Variants in PCNX2 observed in about 807,000 individuals in gnomAD.
PCNX2 encodes the protein pecanex-like protein 2.
PCNX2 carries 168 observed loss-of-function variants against 223.8 expected under a neutral mutation model. The observed-to-expected ratio is 0.75, with a 90% CI of 0.66 to 0.85. The LOEUF (loss-of-function observed/expected upper bound fraction) is 0.85, where lower values mean the gene tolerates loss of function less well. Ranked by LOEUF, PCNX2 falls within the 40% of genes least tolerant of loss-of-function variation. The pLI is 0.00. For synonymous variants in PCNX2, 1,006 were observed against 1,052.6 expected, an observed-to-expected ratio of 0.96 and a Z score of 0.86; for missense variants, 2,507 against 2,675.5, an observed-to-expected ratio of 0.94 and a Z score of 1.39.
At chr1:233,221,604 A>G (rs1221386201) in intron 10 of PCNX2, among the ~76,000 whole-genome samples, 1 of 152,168 alleles carries the variant, frequency 6.6e-6, no homozygotes, top group Non-Finnish European at 1.5e-5. Context: ...TGAAAGATTT[A>G]TCATGCAGAG....
At position 233,016,944 on chromosome 1, in the gene PCNX2, G is replaced by C; in HGVS notation, c.4816C>G (p.His1606Asp). The C allele has an allele frequency of 6.2e-7, 1 of 1,611,548 alleles. No individual in the cohort carries two copies. The highest frequency in any genetic ancestry group is 8.5e-7 in the Non-Finnish European group (1 of 1,177,764). Reference sequence around the variant, plus strand: ...ACCTCTTGTCTTTTCCGTGCACAGTGTTGAATCCATTCTAGATAAACATTG... The same window carrying C: ...ACCTCTTGTCTTTTCCGTGCACAGTCTTGAATCCATTCTAGATAAACATTG... Reference protein sequence around the residue: ...FCNVYLEWIQHCARKRQEPST... With the variant: ...FCNVYLEWIQDCARKRQEPST... The change falls in exon 27 of 34, where the codon CAC (histidine) becomes GAC (aspartate). Residue 1606 changes from histidine (H) to aspartate (D), a missense_variant. His to Asp is a moderately conservative substitution (Grantham distance 81, BLOSUM62 -1). This residue lies in a region of PCNX2 where 1,372 missense variants were observed against 1,509.4 expected (regional missense o/e 0.91). Transcript: ENST00000258229.
At chr1:233,131,542 T>C (rs550426969) in intron 21 of PCNX2, among the ~76,000 whole-genome samples, 2 of 152,292 alleles carry the variant, frequency 1.3e-5, no homozygotes, top group South Asian at 4.1e-4. Flanking sequence ...ACAAACACTC[T>C]CTTTCTTTCA....
intron 21 of PCNX2, among the ~76,000 whole-genome samples, chr1:233,117,838 G>A (rs1241239294): frequency 2.7e-5 from 4 of 150,936 alleles, no homozygotes; most frequent in East Asian, 2.0e-4. Flanking sequence ...GTGAAACCCC[G>A]TCTCTACTAA....
At chr1:233,321,580 G>T in the PCNX2 span, among the ~76,000 whole-genome samples, 25 of 152,328 alleles carry the variant, frequency 1.6e-4, no homozygotes, top group Non-Finnish European at 5.9e-5. Context: ...TTATAGGCAT[G>T]AGCCACCACG....
intron 23 of PCNX2, among the ~76,000 whole-genome samples, chr1:233,080,397 C>T (rs1376844289): frequency 7.3e-6 from 1 of 137,318 alleles, no homozygotes; most frequent in African/African-American, 3.4e-5. Context: ...CACACACACA[C>T]ACAAACACAC....
chr1:233,000,556 T>C lies in PCNX2; in HGVS notation c.5098-21A>G. The C allele has an allele frequency of 6.4e-7, 1 of 1,556,580 alleles. No individual in the cohort carries two copies. The highest frequency in any genetic ancestry group is 8.7e-7 in the Non-Finnish European group (1 of 1,155,924). Reference sequence around the variant, plus strand: ...TGGTCCTGGTGGGAAGAAGTGTGGGTGTGGGCTGGGCAAGGACCAGAGGAA... The same window carrying C: ...TGGTCCTGGTGGGAAGAAGTGTGGGCGTGGGCTGGGCAAGGACCAGAGGAA... On this transcript the variant is annotated intron_variant, in intron 29 of 33. Transcript: ENST00000258229. The surrounding 1 kb of genome is among the most constrained non-coding windows in gnomAD (Gnocchi z 4.6).
At chr1:233,216,936 T>C (rs981840945) in intron 12 of PCNX2, among the ~76,000 whole-genome samples, 3 of 152,174 alleles carry the variant, frequency 2.0e-5, no homozygotes, top group Non-Finnish European at 4.4e-5. Context: ...GAGGACATTA[T>C]TAGGTTAAGT....
intron 20 of PCNX2, among the ~76,000 whole-genome samples, chr1:233,136,120 G>A (rs773230127): frequency 2.0e-5 from 3 of 152,198 alleles, no homozygotes; most frequent in Non-Finnish European, 4.4e-5. Context: ...CCTTCTTGAA[G>A]GGCCTGGCTT....
chr1:233,252,608 C>T, intron 6 of PCNX2, 33 bp downstream of exon 6: 2 of 1,601,466 alleles, frequency 1.2e-6, no homozygotes, highest in South Asian at 2.3e-5. Context: ...GCTTTATGAC[C>T]AAGTGAAACT....
At chr1:233,210,528 C>T (rs1681759594) in intron 12 of PCNX2, 1 of 942,352 alleles carries the variant, frequency 1.1e-6, no homozygotes, top group African/African-American at 1.8e-5. Context: ...ATCCACCCGA[C>T]TTGGCCTCCC....
chr1:233,269,050 C>A (rs1409469537), intron 1 of PCNX2, among the ~76,000 whole-genome samples: 1 of 152,244 alleles, frequency 6.6e-6, no homozygotes, highest in African/African-American at 2.4e-5. Context: ...AGGAAGTCCA[C>A]TTGCCTGCAG....
At chr1:233,219,472 G>A (rs552283540) in intron 10 of PCNX2, among the ~76,000 whole-genome samples, 1 of 152,202 alleles carries the variant, frequency 6.6e-6, no homozygotes, top group Admixed American at 6.5e-5. Flanking sequence ...GGGCCTGGGT[G>A]TTTGGGTGGG....
At position 232,990,547 on chromosome 1, in the gene PCNX2, C is replaced by T. The variant is rs920824282; in HGVS notation, c.5792-4007G>A. ...AACTCTGAGACCCAAGGGCTTTGCA[C>T]CCTCGCCCTCTAGGGAAGCTGTAGT... is the stretch of plus-strand genomic sequence containing the variant. On this transcript the variant is annotated intron_variant, in intron 32 of 33. Transcript: ENST00000258229. The surrounding 1 kb of genome is among the most constrained non-coding windows in gnomAD (Gnocchi z 4.3). Among the ~76,000 whole-genome samples, 1 of 152,176 alleles carries T rather than the reference C, an allele frequency of 6.6e-6. No individual in the cohort carries two copies. Among genetic ancestry groups the T allele is most frequent in the East Asian group, 1.9e-4 (1 of 5,182 alleles).
At chr1:233,194,081 C>T (rs553316839) in intron 15 of PCNX2, among the ~76,000 whole-genome samples, 4 of 148,570 alleles carry the variant, frequency 2.7e-5, no homozygotes, top group East Asian at 2.0e-4. Flanking sequence ...AAAAAAAAAA[C>T]GCCATACACT....
At chr1:233,201,681 G>A (rs1681126269) in intron 13 of PCNX2, 1 of 153,086 alleles carries the variant, frequency 6.5e-6, no homozygotes, top group South Asian at 2.1e-4. Flanking sequence ...GTATGTGTAT[G>A]TGACAAAAAC....
At chr1:233,125,160 G>A (rs1254160997) in intron 21 of PCNX2, among the ~76,000 whole-genome samples, 1 of 152,182 alleles carries the variant, frequency 6.6e-6, no homozygotes, top group Non-Finnish European at 1.5e-5. Context: ...TCTAGTAGTG[G>A]CATTTCAGTG....
chr1:233,316,473 A>C, the PCNX2 span, among the ~76,000 whole-genome samples: 2 of 152,220 alleles, frequency 1.3e-5, no homozygotes, highest in South Asian at 2.1e-4. Context: ...TAAATGCATG[A>C]AAATGAACCA....
At chr1:233,194,131 G>A (rs1401408509) in intron 15 of PCNX2, among the ~76,000 whole-genome samples, 1 of 149,244 alleles carries the variant, frequency 6.7e-6, no homozygotes, top group Non-Finnish European at 1.5e-5. Context: ...CAAAGACAGA[G>A]AAAATCTTAA....
chr1:233,078,073 G>A (rs1673177572), intron 23 of PCNX2, among the ~76,000 whole-genome samples: 1 of 152,240 alleles, frequency 6.6e-6, no homozygotes, highest in South Asian at 2.1e-4. Flanking sequence ...TTTCAATAAA[G>A]TAGGATTAGA....
Sources: gnomAD v4.1 joint callset for allele counts (sites outside exome capture counted in the v4.1 genomes callset) on GRCh38, gnomAD v4.1.1 for gene constraint, gnomAD v4.1.1 regional missense constraint, Gnocchi (gnomAD v3.1) non-coding constraint, MANE v1.5 for transcripts, NCBI Gene and HGNC (gene_info 2026-07-23, HGNC 2026-07-21) for gene names.